DCAKD: variants seen among roughly 807,000 people sequenced by gnomAD.
The protein encoded by DCAKD is dephospho-CoA kinase domain containing, also known as dephospho-CoA kinase domain-containing protein.
Under a neutral mutation model 18.7 loss-of-function variants are expected in DCAKD, and 15 were observed. The ratio of observed to expected loss-of-function variants is 0.80; its 90% CI spans 0.54 to 1.24. The LOEUF is 1.24. DCAKD is among the 50% of genes most tolerant of loss of function. The pLI is 0.00. For synonymous variants in DCAKD, 130 were observed against 133.0 expected, an observed-to-expected ratio of 0.98 and a Z score of 0.16; for missense variants, 301 against 322.0, an observed-to-expected ratio of 0.93 and a Z score of 0.50.
At chr17:45,027,612 C>G (rs964781112) in intron 4 of DCAKD, among the ~76,000 whole-genome samples, 62 of 152,298 alleles carry the variant, frequency 4.1e-4, no homozygotes, top group Non-Finnish European at 6.5e-4. Context: ...TCCTGGAGAG[C>G]ACACACAATC....
intron 3 of DCAKD, chr17:45,033,877 T>C: frequency 3.1e-6 from 4 of 1,305,808 alleles, no homozygotes; most frequent in South Asian, 2.9e-5. Flanking sequence ...CTCAGATCTA[T>C]GGCTCCATTA....
At chr17:45,060,548 A>G (rs901733567) in intron 1 of DCAKD, among the ~76,000 whole-genome samples, 30 of 152,170 alleles carry the variant, frequency 2.0e-4, no homozygotes, top group African/African-American at 5.3e-4. Context: ...AAGAAAAGAA[A>G]AAAAGGGTCG....
intron 1 of DCAKD, among the ~76,000 whole-genome samples, chr17:45,041,166 TC>T (rs1266690100): frequency 6.6e-6 from 1 of 152,034 alleles, no homozygotes; most frequent in Admixed American, 6.6e-5. Context: ...ATCATGTCAC[TC>T]CCATCTAAAA....
At chr17:45,059,018 ATCACGAGG>A (rs1278276295) in intron 1 of DCAKD, among the ~76,000 whole-genome samples, 1 of 152,132 alleles carries the variant, frequency 6.6e-6, no homozygotes, top group Admixed American at 6.6e-5. Flanking sequence ...AGGCGGGCAG[ATCACGAGG>A]TCAGGAGATC....
rs570939849 is a variant in DCAKD at position 45,056,773 on chromosome 17, C to A, written c.-118+4115G>T. ...TATAGGCATGAGCCACCGTGCCTGGCCCTTTTTCCTTTGAGACAGAGCCTC... is the reference window on the plus strand; with the variant it reads ...TATAGGCATGAGCCACCGTGCCTGGACCTTTTTCCTTTGAGACAGAGCCTC... On this transcript the variant is annotated intron_variant, in intron 1 of 4. Transcript: ENST00000310604. Among the ~76,000 whole-genome samples the A allele has an allele frequency of 1.1e-4, 17 of 151,552 alleles. No individual in the cohort carries two copies. The South Asian group carries it at 2.7e-3, about 24-fold the overall frequency.
At chr17:45,027,942 C>T (rs559683319) in intron 4 of DCAKD, among the ~76,000 whole-genome samples, 7 of 148,600 alleles carry the variant, frequency 4.7e-5, no homozygotes, top group South Asian at 4.4e-4. Context: ...GCTGAGATCG[C>T]GCCACTGTAC....
At chr17:45,054,298 A>G (rs2053757524), upstream of DCAKD, among the ~76,000 whole-genome samples, 1 of 150,500 alleles carries the variant, frequency 6.6e-6, no homozygotes, top group African/African-American at 2.5e-5. Context: ...CCTAGGCTGG[A>G]GTACAATGGC....
upstream of DCAKD, chr17:45,051,710 C>T (rs1396012685): frequency 3.3e-4 from 30 of 90,814 alleles, 1 homozygote; most frequent in Middle Eastern, 5.2e-3. Flanking sequence ...CGGGCGGGGC[C>T]GGGAGAGGTT....
chr17:45,029,574 G>A (rs2053133210), intron 4 of DCAKD, among the ~76,000 whole-genome samples: 1 of 152,184 alleles, frequency 6.6e-6, no homozygotes, highest in African/African-American at 2.4e-5. Flanking sequence ...GGGGAATTCT[G>A]AGAACAAAGT....
At chr17:45,035,372 T>TCA (rs1432033218) in intron 1 of DCAKD, among the ~76,000 whole-genome samples, 3 of 149,624 alleles carry the variant, frequency 2.0e-5, no homozygotes, top group African/African-American at 4.9e-5. Flanking sequence ...TTCCAGTTAC[T>TCA]CAGAAGGCTG....
intron 4 of DCAKD, among the ~76,000 whole-genome samples, chr17:45,028,961 T>A (rs535266068): frequency 2.6e-5 from 4 of 152,076 alleles, no homozygotes; most frequent in Non-Finnish European, 5.9e-5. Flanking sequence ...CACCTCGGCC[T>A]CCCAAAGTGC....
chr17:45,058,724 G>C (rs1029235934), intron 1 of DCAKD, among the ~76,000 whole-genome samples: 2 of 151,754 alleles, frequency 1.3e-5, no homozygotes, highest in African/African-American at 4.8e-5. Flanking sequence ...GCCTGGCCTG[G>C]CTTTATTATT....
upstream of DCAKD, among the ~76,000 whole-genome samples, chr17:45,055,572 T>C (rs2053771173): frequency 1.3e-5 from 2 of 152,058 alleles, no homozygotes; most frequent in Admixed American, 6.6e-5. Context: ...ATCATTCTCA[T>C]TGCCATACCT....
chr17:45,023,573 C>A lies in DCAKD; in HGVS notation c.*860G>T, dbSNP rs1180931603. On this transcript the variant is annotated 3_prime_UTR_variant, in exon 5 of 5. Coordinates refer to ENST00000651974, the MANE Select transcript of DCAKD (RefSeq NM_001288655.2). ...ACCTAACCCAGCCTGGGGCTTTAGA[C>A]AGTGCCTGAACTGAGAGCTAGTTGT... 2.7e-5 allele frequency: 3 copies of A among 112,762 alleles called. No individual in the cohort carries two copies. The highest frequency in any genetic ancestry group is 3.0e-4 in the South Asian group (1 of 3,292). 7.0% of individuals were successfully genotyped at this position (112,762 alleles called of 1,614,324 possible).
upstream of DCAKD, among the ~76,000 whole-genome samples, chr17:45,053,939 T>C (rs1260680529): frequency 6.6e-6 from 1 of 152,210 alleles, no homozygotes; most frequent in Non-Finnish European, 1.5e-5. Context: ...TCTACTTCCT[T>C]TAAGGTAGGA....
At position 45,024,318 on chromosome 17, in the gene DCAKD, TGTGTGTGTGTGTGTGTGTGTGG is replaced by T. The variant is rs1468943639; in HGVS notation, c.*93_*114del. 14,249 of 483,262 alleles carry T rather than the reference TGTGTGTGTGTGTGTGTGTGTGG, an allele frequency of 0.029. 1,160 individuals are homozygous for T. The highest frequency in any genetic ancestry group is 0.25 in the African/African-American group (8,426 of 34,346). The allele number at this position is 483,262 out of a possible 1,614,324, so 29.9% of individuals were successfully genotyped here. On this transcript the variant is annotated 3_prime_UTR_variant, in exon 5 of 5. Transcript: ENST00000651974. ...GTGTGTGTGTGTGTGTGTGTGTGTGTGTGTGTGTGTGTGTGTGTGTGGGGAGGGGGCTGAGAGGAAACAGGAT... is the reference window on the plus strand; with the variant it reads ...GTGTGTGTGTGTGTGTGTGTGTGTGTGGAGGGGGCTGAGAGGAAACAGGAT...
intron 1 of DCAKD, among the ~76,000 whole-genome samples, chr17:45,037,123 G>A (rs557093427): frequency 3.9e-5 from 6 of 152,150 alleles, no homozygotes; most frequent in Admixed American, 2.6e-4. Context: ...TATCCACCAC[G>A]GAGTCATCAT....
chr17:45,055,245 T>C (rs59138429), upstream of DCAKD, among the ~76,000 whole-genome samples: 2 of 152,210 alleles, frequency 1.3e-5, no homozygotes, highest in Non-Finnish European at 2.9e-5. Flanking sequence ...CTCTGTGTCC[T>C]TAGCATTTAG....
At position 45,041,954 on chromosome 17, in the gene DCAKD, T is replaced by TA. The variant is rs556920225; in HGVS notation, c.-114-6956dup. 2.1e-3 allele frequency among the ~76,000 whole-genome samples: 299 copies of TA among 143,308 alleles called. 1 individual carries two copies. Among genetic ancestry groups the TA allele is most frequent in the South Asian group, 0.019 (85 of 4,520 alleles). 94.0% of individuals were successfully genotyped at this position (143,308 alleles called of 152,430 possible). ...GGCAACAAAGCGAGATCCTGTCTCT[T>TA]AAAAAAAAAAAAATAGCTGGGCATG... is the stretch of plus-strand genomic sequence containing the variant. On this transcript the variant is annotated intron_variant, in intron 1 of 4. Transcript: ENST00000651974.
Sources: allele counts gnomAD v4.1 joint callset (sites outside exome capture counted in the v4.1 genomes callset), GRCh38; gene constraint gnomAD v4.1.1; transcripts MANE v1.5; gene names NCBI Gene and HGNC (gene_info 2026-07-23, HGNC 2026-07-21).